HCN1: variants seen among roughly 807,000 people sequenced by gnomAD.
HCN1 encodes potassium/sodium hyperpolarization-activated cyclic nucleotide-gated channel 1.
HCN1 carries 13 observed loss-of-function variants against 78.9 expected under a neutral mutation model. The ratio of observed to expected loss-of-function variants is 0.16; its 90% CI spans 0.11 to 0.26. HCN1 has a LOEUF of 0.26. HCN1 is among the 10% of genes least tolerant of loss of function. The pLI is 1.00. For missense variants in HCN1, 810 were observed against 1,154.3 expected, an observed-to-expected ratio of 0.70 and a Z score of 4.32; for synonymous variants, 552 against 455.5, an observed-to-expected ratio of 1.21 and a Z score of -2.70.
chr5:45,464,299 C>T (rs895486766), intron 2 of HCN1, among the ~76,000 whole-genome samples: 5 of 152,016 alleles, frequency 3.3e-5, no homozygotes, highest in African/African-American at 1.2e-4. Context: ...TGTTTTGCTA[C>T]TATGCATTTT....
chr5:45,577,806 G>A (rs1036539198), intron 2 of HCN1, among the ~76,000 whole-genome samples: 2 of 151,758 alleles, frequency 1.3e-5, no homozygotes, highest in Middle Eastern at 3.4e-3. Context: ...TTAGAAATAC[G>A]AAGCAATGCA....
At chr5:45,292,198 AT>A (rs1402968647) in intron 6 of HCN1, among the ~76,000 whole-genome samples, 1 of 152,024 alleles carries the variant, frequency 6.6e-6, no homozygotes, top group Non-Finnish European at 1.5e-5. Context: ...TCTAGATACA[AT>A]TTCCTTGCAA....
chr5:45,518,738 A>G (rs1365939006), intron 2 of HCN1, among the ~76,000 whole-genome samples: 1 of 152,052 alleles, frequency 6.6e-6, no homozygotes, highest in Non-Finnish European at 1.5e-5. Context: ...GAATACAGTT[A>G]GATAATGAAG....
At chr5:45,574,839 C>T (rs1408119363) in intron 2 of HCN1, 2 of 152,174 alleles carry the variant, frequency 1.3e-5, no homozygotes, top group East Asian at 3.9e-4. Flanking sequence ...GATAGAAGAT[C>T]AAATCACCCA....
At chr5:45,566,532 C>T (rs1743709654) in intron 2 of HCN1, among the ~76,000 whole-genome samples, 1 of 152,020 alleles carries the variant, frequency 6.6e-6, no homozygotes, top group South Asian at 2.1e-4. Context: ...CAGCTTTATA[C>T]ATCAAAATCC....
At chr5:45,606,139 A>C (rs142531645) in intron 2 of HCN1, among the ~76,000 whole-genome samples, 2 of 152,154 alleles carry the variant, frequency 1.3e-5, no homozygotes, top group East Asian at 3.9e-4. Flanking sequence ...TATACTACTT[A>C]AGCAACCATT....
At chr5:45,496,968 G>T (rs1011650138) in intron 2 of HCN1, among the ~76,000 whole-genome samples, 1 of 152,146 alleles carries the variant, frequency 6.6e-6, no homozygotes, top group African/African-American at 2.4e-5. Context: ...GTACCCAGTA[G>T]TCATTCAGGA....
chr5:45,349,794 G>C (rs949559823), intron 5 of HCN1, among the ~76,000 whole-genome samples: 1 of 151,908 alleles, frequency 6.6e-6, no homozygotes, highest in African/African-American at 2.4e-5. Flanking sequence ...AAGATTTCTC[G>C]ACACATACAC....
At chr5:45,444,498 T>C (rs914621018) in intron 3 of HCN1, among the ~76,000 whole-genome samples, 1 of 152,174 alleles carries the variant, frequency 6.6e-6, no homozygotes, top group African/African-American at 2.4e-5. Context: ...ATGTCGTATA[T>C]TGAAGTTATA....
intron 2 of HCN1, among the ~76,000 whole-genome samples, chr5:45,492,511 G>GTTTTTT (rs1161210401): frequency 1.0e-5 from 1 of 99,304 alleles, no homozygotes. Flanking sequence ...ACCAGCAACA[G>GTTTTTT]TTTTTTTGTT....
chr5:45,347,379 T>C (rs1746766117), intron 5 of HCN1, among the ~76,000 whole-genome samples: 1 of 152,072 alleles, frequency 6.6e-6, no homozygotes, highest in Admixed American at 6.5e-5. Context: ...ATCACCATCG[T>C]CAAAGAACAA....
rs138077705 is a variant in HCN1 at position 45,426,552 on chromosome 5, G to A, written c.1012-29842C>T. On this transcript the variant is annotated intron_variant, in intron 3 of 7. Transcript: ENST00000303230. ...AGTTTCCCTGCACATACTTTCTCTT[G>A]CCTGCTGGCATGTAAGACATAACTT... Among the ~76,000 whole-genome samples, 924 of 152,246 alleles carry A rather than the reference G, an allele frequency of 6.1e-3. 13 individuals carry two copies. The highest frequency in any genetic ancestry group is 0.02 in the African/African-American group (838 of 41,550).
intron 4 of HCN1, among the ~76,000 whole-genome samples, chr5:45,385,673 T>G (rs1747895074): frequency 6.6e-6 from 1 of 152,242 alleles, no homozygotes; most frequent in African/African-American, 2.4e-5. Flanking sequence ...AAATCCCATT[T>G]GTCTTTAAAT....
intron 2 of HCN1, among the ~76,000 whole-genome samples, chr5:45,578,094 C>A (rs1255123582): frequency 1.3e-5 from 2 of 151,880 alleles, no homozygotes; most frequent in African/African-American, 4.8e-5. Context: ...ATTTTTGTCA[C>A]AGGGATGGTA....
In HCN1 at chr5:45,598,376, A is replaced by T. The variant is rs553815755; in HGVS notation, c.849+46809T>A. ...CTGGCTAGCCATATGTAGAAAGCTG[A>T]AACTGGACCCCTTCCTTACACCTTA... On this transcript the variant is annotated intron_variant, in intron 2 of 7. Transcript: ENST00000303230. Among the ~76,000 whole-genome samples the T allele has an allele frequency of 1.7e-3, 256 of 152,330 alleles. 8 individuals are homozygous for T. In the South Asian group the frequency reaches 0.052, roughly 31 times the overall value.
rs777158203 is a variant in HCN1, at chr5:45,262,156, G to T, written c.2438C>A (p.Ala813Asp). 1.2e-6 allele frequency: 2 copies of T among 1,613,880 alleles called. No individual in the cohort carries two copies. Among genetic ancestry groups the T allele is most frequent in the South Asian group, 1.1e-5 (1 of 91,082 alleles). ...RPHPTVGESLASIPQPVTAVP... is the reference protein window; with the variant it reads ...RPHPTVGESLDSIPQPVTAVP... ...CGCCGTCACGGGTTGAGGGATGGAG[G>T]CCAGGGACTCGCCCACAGTGGGATG... Residue 813 changes from alanine (A) to aspartate (D), a missense_variant, in exon 8 of 8, where the codon GCC becomes GAC. Ala to Asp is a moderately radical substitution (Grantham distance 126, BLOSUM62 -2). This residue lies in a region of HCN1 where 398 missense variants were observed against 381.3 expected (regional missense o/e 1.04). Transcript: ENST00000303230.
intron 1 of HCN1, among the ~76,000 whole-genome samples, chr5:45,671,675 T>C (rs1166102180): frequency 1.3e-5 from 2 of 151,514 alleles, no homozygotes; most frequent in African/African-American, 4.8e-5. Flanking sequence ...AAAAGATCAA[T>C]TTCAATAGTT....
At chr5:45,379,882 T>C (rs1425669695) in intron 4 of HCN1, among the ~76,000 whole-genome samples, 1 of 151,764 alleles carries the variant, frequency 6.6e-6, no homozygotes, top group Non-Finnish European at 1.5e-5. Context: ...TTTGGGATAA[T>C]GGAAAAGTTC....
chr5:45,370,786 GAC>G (rs1479923253), intron 4 of HCN1, among the ~76,000 whole-genome samples: 4 of 151,930 alleles, frequency 2.6e-5, no homozygotes, highest in Non-Finnish European at 4.4e-5. Flanking sequence ...ACTCTTCACT[GAC>G]ACAAAATGCA....
Sources: gnomAD v4.1 joint callset for allele counts (sites outside exome capture counted in the v4.1 genomes callset) on GRCh38, gnomAD v4.1.1 for gene constraint, gnomAD v4.1.1 regional missense constraint, MANE v1.5 for transcripts, NCBI Gene and HGNC (gene_info 2026-07-23, HGNC 2026-07-21) for gene names.